The following FNDC3A variants were observed in gnomAD, a reference collection of about 807,000 sequenced individuals.
FNDC3A encodes the protein fibronectin type-III domain-containing protein 3A.
In FNDC3A, 32 loss-of-function variants were observed where a neutral mutation model predicts 148.9. The ratio of observed to expected loss-of-function variants is 0.21; its 90% CI spans 0.16 to 0.29. The LOEUF (loss-of-function observed/expected upper bound fraction) is 0.29. FNDC3A is among the 10% of genes least tolerant of loss of function. The probability of loss-of-function intolerance (pLI) is 1.00; values close to 1 mark genes in which losing one functional copy is unlikely to be tolerated. For missense variants in FNDC3A, 1,191 were observed against 1,452.8 expected (o/e 0.82, Z 2.93); for synonymous variants, 472 against 473.6 (o/e 1.00, Z 0.04).
intron 8 of FNDC3A, among the ~76,000 whole-genome samples, chr13:49,162,345 A>T (rs969266640): frequency 2.6e-5 from 4 of 151,606 alleles, no homozygotes; most frequent in Admixed American, 1.3e-4. Context: ...TTCTCACTTC[A>T]TTTCATTAAT....
At chr13:49,107,102 G>A (rs1408533846) in intron 3 of FNDC3A, among the ~76,000 whole-genome samples, 1 of 152,138 alleles carries the variant, frequency 6.6e-6, no homozygotes, top group Non-Finnish European at 1.5e-5. Flanking sequence ...TTCTTGGCTT[G>A]GATGGTGGAT....
intron 2 of FNDC3A, among the ~76,000 whole-genome samples, chr13:49,041,354 C>T (rs1051372363): frequency 7.9e-5 from 12 of 152,174 alleles, no homozygotes; most frequent in Non-Finnish European, 1.3e-4. Context: ...ACCATGAAGG[C>T]GGTTAGTTTT....
At chr13:49,087,001 T>C (rs1207680944) in intron 3 of FNDC3A, among the ~76,000 whole-genome samples, 2 of 152,122 alleles carry the variant, frequency 1.3e-5, no homozygotes, top group Admixed American at 6.5e-5. Flanking sequence ...CAGAGAGCTA[T>C]TAAATGTTAC....
At chr13:49,170,518 A>G (rs1398569930) in intron 10 of FNDC3A, among the ~76,000 whole-genome samples, 1 of 152,142 alleles carries the variant, frequency 6.6e-6, no homozygotes, top group East Asian at 1.9e-4. Context: ...AGCTCACTAA[A>G]GATGGTCTTT....
At chr13:49,113,245 T>C (rs953927825) in intron 3 of FNDC3A, among the ~76,000 whole-genome samples, 17 of 151,608 alleles carry the variant, frequency 1.1e-4, no homozygotes, top group Admixed American at 5.9e-4. Context: ...CTTTCTCCTC[T>C]CCTTGCTTGC....
intron 2 of FNDC3A, among the ~76,000 whole-genome samples, chr13:49,042,871 GT>G (rs1875054372): frequency 6.6e-6 from 1 of 152,080 alleles, no homozygotes; most frequent in Non-Finnish European, 1.5e-5. Flanking sequence ...GAATGTTTTG[GT>G]TACAGTTCGT....
In FNDC3A at chr13:49,208,111, G is replaced by T. The variant is rs1386897258; in HGVS notation, c.*716G>T. 1 of 152,192 alleles carries T rather than the reference G, an allele frequency of 6.6e-6. No individual in the cohort carries two copies. The allele number at this position is 152,192 out of a possible 1,614,324, so 9.4% of individuals were successfully genotyped here. On this transcript the variant is annotated 3_prime_UTR_variant, in exon 26 of 26. Transcript: ENST00000492622. ...CTTCAGGTCTTGAGAACATGGAAAA[G>T]AATTGAGTGCTTTTAAATACTTTTT...
In FNDC3A at chr13:49,207,071, T is replaced by A; in HGVS notation, c.3283-10T>A. On this transcript the variant is annotated splice_polypyrimidine_tract_variant and intron_variant, in intron 25 of 25. Transcript: ENST00000492622. Reference sequence around the variant, plus strand: ...ACACGTAATTCTTCCTTCTAATATTTTATTAACAGATTTACAAGGGTCCCG... The same window carrying A: ...ACACGTAATTCTTCCTTCTAATATTATATTAACAGATTTACAAGGGTCCCG... The A allele has an allele frequency of 6.3e-7, 1 of 1,597,960 alleles. No homozygotes were observed. The highest frequency in any genetic ancestry group is 1.1e-5 in the South Asian group (1 of 90,464).
chr13:49,167,460 A>G lies in FNDC3A; in HGVS notation c.1037+157A>G, dbSNP rs904156909. 2.0e-5 allele frequency among the ~76,000 whole-genome samples: 3 copies of G among 152,244 alleles called. 1 individual carries two copies. The highest frequency in any genetic ancestry group is 4.4e-5 in the Non-Finnish European group (3 of 68,044). ...GGCGCAGTGCGCCCGTAATCCCAGC[A>G]CTTTGGGTGGCCAAGACGAGGATTT... On this transcript the variant is annotated intron_variant, in intron 9 of 25. Coordinates refer to ENST00000492622, the MANE Select transcript of FNDC3A (RefSeq NM_001079673.2).
intron 2 of FNDC3A, among the ~76,000 whole-genome samples, chr13:49,042,527 G>A (rs950879721): frequency 1.3e-5 from 2 of 152,114 alleles, no homozygotes; most frequent in African/African-American, 4.8e-5. Flanking sequence ...TGTAATGCCA[G>A]CACTTTGGGA....
At chr13:49,015,447 T>G (rs552753008) in intron 2 of FNDC3A, among the ~76,000 whole-genome samples, 2 of 152,324 alleles carry the variant, frequency 1.3e-5, no homozygotes, top group East Asian at 3.9e-4. Context: ...GTACATTGAT[T>G]TTGTATCCTG....
intron 14 of FNDC3A, among the ~76,000 whole-genome samples, chr13:49,182,884 A>G (rs896836355): frequency 2.6e-5 from 4 of 152,102 alleles, no homozygotes; most frequent in Admixed American, 1.3e-4. Flanking sequence ...TGGATATACC[A>G]TCTTTTTGCC....
chr13:49,010,275 G>T (rs1952311670), intron 2 of FNDC3A, among the ~76,000 whole-genome samples: 1 of 152,192 alleles, frequency 6.6e-6, no homozygotes, highest in African/African-American at 2.4e-5. Context: ...GGCCTGGGAT[G>T]GCTTAGGGTA....
chr13:49,012,083 G>C (rs946517619), intron 2 of FNDC3A, among the ~76,000 whole-genome samples: 59 of 152,048 alleles, frequency 3.9e-4, no homozygotes, highest in African/African-American at 1.4e-3. Context: ...TTACAGATAT[G>C]ATCAAATATC....
At chr13:49,203,947 A>G (rs1329265966) in intron 25 of FNDC3A, among the ~76,000 whole-genome samples, 1 of 152,206 alleles carries the variant, frequency 6.6e-6, no homozygotes, top group Non-Finnish European at 1.5e-5. Flanking sequence ...ACTCCACGTG[A>G]AATGAGAAGA....
At chr13:49,002,319 G>A (rs1361073218) in intron 1 of FNDC3A, among the ~76,000 whole-genome samples, 1 of 152,062 alleles carries the variant, frequency 6.6e-6, no homozygotes, top group Admixed American at 6.5e-5. Context: ...CCTTTATTAT[G>A]TTGAGGTATA....
At chr13:48,980,472 T>A (rs1480946685) in intron 1 of FNDC3A, among the ~76,000 whole-genome samples, 2 of 152,190 alleles carry the variant, frequency 1.3e-5, no homozygotes, top group East Asian at 1.9e-4. Context: ...ATAATTGATA[T>A]TTACATTGAT....
At position 49,191,078 on chromosome 13, in the gene FNDC3A, T is replaced by G; in HGVS notation, c.2008T>G (p.Leu670Val). 6.2e-7 allele frequency: 1 copy of G among 1,613,984 alleles called. No homozygotes were observed. Among genetic ancestry groups the G allele is most frequent in the Non-Finnish European group, 8.5e-7 (1 of 1,179,962 alleles). Reference sequence around the variant, plus strand: ...TCCTGGCCCATGCCTCCCTCCCAGATTACAGGGTAGACCCAAAGCAAAAGA... The same window carrying G: ...TCCTGGCCCATGCCTCCCTCCCAGAGTACAGGGTAGACCCAAAGCAAAAGA... ...VPPGPCLPPR[L>V]QGRPKAKEIQ... Residue 670 changes from leucine (L) to valine (V), a missense_variant, in exon 18 of 26, where the codon TTA (leucine) becomes GTA (valine). Physicochemically the swap from Leu to Val is conservative, Grantham distance 32. This residue lies in a region of FNDC3A where 751 missense variants were observed against 944.0 expected (regional missense o/e 0.80). Coordinates refer to ENST00000492622, the MANE Select transcript of FNDC3A (RefSeq NM_001079673.2).
chr13:49,019,251 G>A (rs1446762695), intron 2 of FNDC3A, among the ~76,000 whole-genome samples: 6 of 152,226 alleles, frequency 3.9e-5, no homozygotes, highest in South Asian at 2.1e-4. Flanking sequence ...AGCAATCAGC[G>A]AGACTCCGTG....
Sources: allele counts gnomAD v4.1 joint callset (sites outside exome capture counted in the v4.1 genomes callset), GRCh38; gene constraint gnomAD v4.1.1; regional missense constraint gnomAD v4.1.1; transcripts MANE v1.5; gene names NCBI Gene and HGNC (gene_info 2026-07-23, HGNC 2026-07-21).